The following CKMT2 variants were observed in gnomAD, a reference collection of about 807,000 sequenced individuals.
CKMT2 encodes the protein creatine kinase, mitochondrial 2, also known as creatine kinase S-type, mitochondrial.
In CKMT2, 43 loss-of-function variants were observed where a neutral mutation model predicts 48.9. That is an observed-to-expected ratio of 0.88 (90% CI 0.69 to 1.13). CKMT2 has a LOEUF of 1.13. Among genes scored for constraint, CKMT2 ranks in the 50% most tolerant of loss-of-function variants. The probability of loss-of-function intolerance (pLI) is 0.00; values close to 1 mark genes in which losing one functional copy is unlikely to be tolerated. For synonymous variants in CKMT2, 206 were observed against 213.0 expected (o/e 0.97, Z 0.29); for missense variants, 472 against 555.4 (o/e 0.85, Z 1.51).
intron 1 of CKMT2, among the ~76,000 whole-genome samples, chr5:81,241,117 A>C (rs1281604434): frequency 2.6e-5 from 4 of 152,196 alleles, no homozygotes; most frequent in African/African-American, 9.7e-5. Context: ...TCTGAAGTAA[A>C]GGATGGACCC....
intron 1 of CKMT2, among the ~76,000 whole-genome samples, chr5:81,249,360 C>T (rs1024628378): frequency 6.6e-6 from 1 of 152,182 alleles, no homozygotes; most frequent in African/African-American, 2.4e-5. Flanking sequence ...GGATTACAGG[C>T]ATGAGCCACC....
intron 1 of CKMT2, 137 bp from the exon 2 acceptor site, chr5:81,250,976 C>CACAT (rs1554045833): frequency 1.5e-6 from 1 of 659,546 alleles, no homozygotes; most frequent in Non-Finnish European, 2.6e-6. Flanking sequence ...CACACACACA[C>CACAT]ACAGAAAGAG....
chr5:81,237,062 T>G (rs570663547), intron 1 of CKMT2, among the ~76,000 whole-genome samples: 1 of 152,146 alleles, frequency 6.6e-6, no homozygotes, highest in Non-Finnish European at 1.5e-5. Flanking sequence ...GGCAGGAGAA[T>G]TGCTTGAACC....
intron 1 of CKMT2, among the ~76,000 whole-genome samples, chr5:81,237,321 A>G (rs1756275232): frequency 6.6e-6 from 1 of 152,112 alleles, no homozygotes; most frequent in Non-Finnish European, 1.5e-5. Flanking sequence ...TTCAGTGCCT[A>G]CTGCAGCCTG....
chr5:81,238,486 C>T (rs1425820695), intron 1 of CKMT2: 3 of 152,240 alleles, frequency 2.0e-5, no homozygotes, highest in Admixed American at 2.0e-4. Context: ...TAACAGCCCA[C>T]AGACCACACT....
At chr5:81,249,831 T>C (rs553573990) in intron 1 of CKMT2, among the ~76,000 whole-genome samples, 2 of 152,330 alleles carry the variant, frequency 1.3e-5, no homozygotes, top group East Asian at 3.9e-4. Flanking sequence ...ATTATCTACC[T>C]GGGCTCATTA....
chr5:81,254,827 C>A, intron 4 of CKMT2, 166 bp from the exon 5 acceptor site: 1 of 649,624 alleles, frequency 1.5e-6, no homozygotes, highest in South Asian at 1.8e-5. Flanking sequence ...AGTCGAAGGT[C>A]CGTGCCCCAA....
At chr5:81,244,433 C>T (rs540882315) in intron 1 of CKMT2, among the ~76,000 whole-genome samples, 10 of 152,264 alleles carry the variant, frequency 6.6e-5, no homozygotes, top group East Asian at 1.9e-4. Flanking sequence ...TAAAATCAGA[C>T]GCAGATGTCA....
At chr5:81,254,763 AGTGACG>A in intron 4 of CKMT2, 1 of 598,692 alleles carries the variant, frequency 1.7e-6, no homozygotes, top group Non-Finnish European at 3.0e-6. Flanking sequence ...CAAACCACCC[AGTGACG>A]GTCAAGGACC....
chr5:81,259,742 C>T (rs1241213818), intron 8 of CKMT2, among the ~76,000 whole-genome samples: 1 of 152,128 alleles, frequency 6.6e-6, no homozygotes, highest in Non-Finnish European at 1.5e-5. Context: ...TCTTAGAGAC[C>T]TACAATGAGA....
chr5:81,249,408 A>T (rs957873494), intron 1 of CKMT2, among the ~76,000 whole-genome samples: 1 of 152,102 alleles, frequency 6.6e-6, no homozygotes, highest in African/African-American at 2.4e-5. Context: ...GGCATTATGG[A>T]GATCAAATAG....
intron 6 of CKMT2, 37 bp from the exon 7 acceptor site, chr5:81,257,696 C>A: frequency 6.3e-7 from 1 of 1,579,680 alleles, no homozygotes; most frequent in South Asian, 1.1e-5. Context: ...GAAACAAATG[C>A]AATTAACACT....
rs71876955 is a variant in CKMT2 at position 81,250,982 on chromosome 5, A to AAG, written c.-20-117_-20-116dup. On this transcript the variant is annotated intron_variant, in intron 1 of 9. Coordinates refer to ENST00000254035, the MANE Select transcript of CKMT2 (RefSeq NM_001099735.2). ...ACACACACACACACACACACACAGA[A>AAG]AGAGAGAGAGAGAGACAGAGACACC... The AAG allele has an allele frequency of 5.5e-3, 2,289 of 414,862 alleles. 33 individuals are homozygous for AAG. Among genetic ancestry groups the AAG allele is most frequent in the African/African-American group, 0.05 (1,557 of 30,948 alleles). 25.7% of individuals were successfully genotyped at this position (414,862 alleles called of 1,614,324 possible).
rs1022077639 is a variant in CKMT2 at position 81,263,410 on chromosome 5, T to A, written c.1015-81T>A. 3 of 893,972 alleles carry A rather than the reference T, an allele frequency of 3.4e-6. No homozygotes were observed. The African/African-American group carries it at 5.2e-5, about 16-fold the overall frequency. 55.4% of individuals were successfully genotyped at this position (893,972 alleles called of 1,614,324 possible). ...AGTTAAACTGTTATCTCTCACTATA[T>A]GTCTTTTGTCAGTAAACGCACCAAT... On this transcript the variant is annotated intron_variant, in intron 8 of 9. Coordinates refer to ENST00000254035, the MANE Select transcript of CKMT2 (RefSeq NM_001099735.2).
Position 81,266,286 on chromosome 5 carries a change from T to C in CKMT2, c.*28T>C, listed in dbSNP as rs1404337145. ...TTTCCCTTTCCCAATTTATAAATAA[T>C]CTGTCTGCTGGTACGACAGACATAA... On this transcript the variant is annotated 3_prime_UTR_variant, in exon 10 of 10. Coordinates refer to ENST00000254035, the MANE Select transcript of CKMT2 (RefSeq NM_001099735.2). The C allele has an allele frequency of 1.9e-6, 3 of 1,609,892 alleles. No homozygotes were observed.
At chr5:81,236,149 T>G (rs1756237002) in intron 1 of CKMT2, 1 of 152,186 alleles carries the variant, frequency 6.6e-6, no homozygotes, top group Non-Finnish European at 1.5e-5. Flanking sequence ...AGAACAAGTT[T>G]ATAATCTGCA....
chr5:81,260,850 C>G (rs1757198010), intron 8 of CKMT2, among the ~76,000 whole-genome samples: 1 of 152,212 alleles, frequency 6.6e-6, no homozygotes, highest in Admixed American at 6.5e-5. Context: ...AGGGACTCCT[C>G]CCTAACTCAT....
In CKMT2 at chr5:81,252,285, G is replaced by C. The variant is rs140417123; in HGVS notation, c.153-410G>C. 5.2e-3 allele frequency: 1,085 copies of C among 210,536 alleles called. 10 individuals carry two copies. The highest frequency in any genetic ancestry group is 0.024 in the African/African-American group (1,034 of 43,072). The allele number at this position is 210,536 out of a possible 1,614,324, so 13.0% of individuals were successfully genotyped here. The stretch of plus-strand genomic sequence containing the variant: ...ATTTAGTGTCTCTTATGAAAATCAG[G>C]ATCTCTGAGGGAATCGCCAGCAACC... On this transcript the variant is annotated intron_variant, in intron 2 of 9. Coordinates refer to ENST00000254035, the MANE Select transcript of CKMT2 (RefSeq NM_001099735.2).
chr5:81,244,087 T>TG lies in CKMT2; in HGVS notation c.-20-7022dup, dbSNP rs549660755. ...TTGTCCCGTTTCACACTAAACGGGT[T>TG]GGGGAGGAACCAGGGGAGATGTCAA... On this transcript the variant is annotated intron_variant, in intron 1 of 9. Coordinates refer to ENST00000254035, the MANE Select transcript of CKMT2 (RefSeq NM_001099735.2). The TG allele has an allele frequency of 1.9e-4, 186 of 985,442 alleles. No individual in the cohort carries two copies. In the African/African-American group the frequency reaches 2.8e-3, roughly 15 times the overall value. 61.0% of individuals were successfully genotyped at this position (985,442 alleles called of 1,614,324 possible).
Sources: gnomAD v4.1 joint callset for allele counts (sites outside exome capture counted in the v4.1 genomes callset) on GRCh38, gnomAD v4.1.1 for gene constraint, MANE v1.5 for transcripts, NCBI Gene and HGNC (gene_info 2026-07-23, HGNC 2026-07-21) for gene names.